The following KCTD17 variants were observed in gnomAD, a reference collection of about 807,000 sequenced individuals.
KCTD17 encodes the protein BTB/POZ domain-containing protein KCTD17.
Under a neutral mutation model 41.5 loss-of-function variants are expected in KCTD17, and 20 were observed. The observed-to-expected ratio is 0.48, with a 90% CI of 0.34 to 0.70. The LOEUF is 0.70. Among genes scored for constraint, KCTD17 ranks in the 30% least tolerant of loss-of-function variants. KCTD17 has a pLI of 0.01. For missense variants in KCTD17, 317 were observed against 427.2 expected, an observed-to-expected ratio of 0.74 and a Z score of 2.27; for synonymous variants, 156 against 173.8, an observed-to-expected ratio of 0.90 and a Z score of 0.80.
chr22:37,061,317 C>T lies in KCTD17; in HGVS notation c.784+142C>T, dbSNP rs1399182953. 6.6e-7 allele frequency: 1 copy of T among 1,506,062 alleles called. No homozygotes were observed. The highest frequency in any genetic ancestry group is 8.9e-7 in the Non-Finnish European group (1 of 1,129,138). 93.3% of individuals were successfully genotyped at this position (1,506,062 alleles called of 1,614,324 possible). A position where few individuals can be genotyped will look rare whatever the true frequency, so the allele number is the denominator to read the frequency against. ...TCTGCCCTGGTCCCAGCCTCCCGTG[C>T]CCTCCACCCAGGCCCCCTGGCCCTG... On this transcript the variant is annotated intron_variant, in intron 7 of 8. Coordinates refer to ENST00000403888, the MANE Select transcript of KCTD17 (RefSeq NM_001282684.2). This position sits in a 1 kb window ranked among gnomAD's most constrained non-coding sequence, Gnocchi z 6.6.
chr22:37,062,369 C>T (rs1568988339), intron 8 of KCTD17, 156 bp from the exon 9 acceptor site: 1 of 984,902 alleles, frequency 1.0e-6, no homozygotes, highest in Non-Finnish European at 1.2e-6. Context: ...CCACCCCCTC[C>T]TCCAGAAGGA....
intron 5 of KCTD17, 33 bp from the exon 6 acceptor site, chr22:37,060,790 C>T: frequency 6.8e-7 from 1 of 1,468,510 alleles, no homozygotes; most frequent in South Asian, 1.4e-5. Context: ...TGTCTCCACT[C>T]TTTCTTCCCT....
chr22:37,053,305 C>T lies in KCTD17; in HGVS notation c.298+97C>T. On this transcript the variant is annotated intron_variant, in intron 2 of 8. Coordinates refer to ENST00000403888, the MANE Select transcript of KCTD17 (RefSeq NM_001282684.2). This position sits in a 1 kb window ranked among gnomAD's most constrained non-coding sequence, Gnocchi z 4.1. ...TTTGGACAACCAGGACGGCCATCTG[C>T]CTGCTTGGTTGTTTCCTGCCTCTTC... The T allele has an allele frequency of 2.2e-6, 2 of 914,934 alleles. No homozygotes were observed. Among genetic ancestry groups the T allele is most frequent in the Non-Finnish European group, 3.4e-6 (2 of 580,362 alleles). 56.7% of individuals were successfully genotyped at this position (914,934 alleles called of 1,614,324 possible). A position where few individuals can be genotyped will look rare whatever the true frequency, so the allele number is the denominator to read the frequency against.
rs369063295 is a variant in KCTD17, at chr22:37,052,512, A to G, written c.189+563A>G. ...TGCACTGCGCTCAGCCTCCTTCCTC[A>G]TCTGTAACACGAAGGGCTGGTCTGA... On this transcript the variant is annotated intron_variant, in intron 1 of 8. Coordinates refer to ENST00000403888, the MANE Select transcript of KCTD17 (RefSeq NM_001282684.2). The G allele has an allele frequency of 8.0e-4, 374 of 466,486 alleles. 5 individuals carry two copies. Among genetic ancestry groups the G allele is most frequent in the South Asian group, 5.3e-3 (340 of 64,560 alleles). The allele number at this position is 466,486 out of a possible 1,614,324, so 28.9% of individuals were successfully genotyped here.
intron 1 of KCTD17, 131 bp downstream of exon 1, chr22:37,052,080 A>C: frequency 1.1e-6 from 1 of 933,666 alleles, no homozygotes; most frequent in Non-Finnish European, 1.4e-6. Context: ...GGAGGCGGGA[A>C]GAAGCGGCAG....
At chr22:37,059,492 C>T in intron 5 of KCTD17, 54 bp downstream of exon 5, 2 of 1,549,296 alleles carry the variant, frequency 1.3e-6, no homozygotes, top group South Asian at 2.5e-5. Flanking sequence ...CTCCCTCCAC[C>T]CTCCCCGCCT....
At chr22:37,054,727 C>T (rs1018906847) in intron 2 of KCTD17, among the ~76,000 whole-genome samples, 10 of 152,114 alleles carry the variant, frequency 6.6e-5, no homozygotes, top group African/African-American at 2.4e-4. Flanking sequence ...AGTTCCTGGC[C>T]GGAGGATGTG....
chr22:37,060,961 C>T, intron 6 of KCTD17, 39 bp downstream of exon 6: 1 of 1,535,758 alleles, frequency 6.5e-7, no homozygotes, highest in South Asian at 1.2e-5. Flanking sequence ...CTAAGCAAAG[C>T]CGGAGCCTCC....
At chr22:37,059,700 G>A (rs193159692) in intron 5 of KCTD17, among the ~76,000 whole-genome samples, 4 of 152,212 alleles carry the variant, frequency 2.6e-5, no homozygotes, top group African/African-American at 9.6e-5. Flanking sequence ...CCGCTTAGTG[G>A]CCACTGGGCA....
chr22:37,057,612 A>C, intron 4 of KCTD17, 119 bp downstream of exon 4: 1 of 720,852 alleles, frequency 1.4e-6, no homozygotes, highest in South Asian at 1.7e-5. Context: ...GTCTCCCCCA[A>C]CCCCAGGGTT....
chr22:37,057,645 G>C (rs1486915726), intron 4 of KCTD17, among the ~76,000 whole-genome samples, 152 bp downstream of exon 4: 1 of 152,184 alleles, frequency 6.6e-6, no homozygotes, highest in Admixed American at 6.5e-5. Flanking sequence ...AATTAAACAA[G>C]GTTAGGAGAG....
intron 5 of KCTD17, 62 bp downstream of exon 5, chr22:37,059,500 C>A: frequency 1.9e-6 from 3 of 1,542,852 alleles, no homozygotes; most frequent in African/African-American, 2.7e-5. Context: ...ACCCTCCCCG[C>A]CTGTCCCGCC....
At position 37,062,659 on chromosome 22, in the gene KCTD17, GGCCTCCTCT is replaced by G. The variant is rs1322941270; in HGVS notation, c.*67_*75del. The G allele has an allele frequency of 6.4e-7, 1 of 1,564,174 alleles. No individual in the cohort carries two copies. The highest frequency in any genetic ancestry group is 8.7e-7 in the Non-Finnish European group (1 of 1,154,166). ...GAGAAGGAAGAAGCACCCTCTCCCC[GGCCTCCTCT>G]GTCTGCACCCGTGGGGCTGTGACTT... On this transcript the variant is annotated 3_prime_UTR_variant, in exon 9 of 9. Coordinates refer to ENST00000403888, the MANE Select transcript of KCTD17 (RefSeq NM_001282684.2).
At chr22:37,059,616 C>A in intron 5 of KCTD17, 178 bp downstream of exon 5, 1 of 743,122 alleles carries the variant, frequency 1.3e-6, no homozygotes, top group Non-Finnish European at 2.1e-6. Context: ...TTACCCAGGC[C>A]CAGGCTGGGA....
chr22:37,060,521 A>G (rs1279389305), intron 5 of KCTD17, among the ~76,000 whole-genome samples: 1 of 152,108 alleles, frequency 6.6e-6, no homozygotes, highest in African/African-American at 2.4e-5. Flanking sequence ...GGGATACCCC[A>G]GTCCCACACC....
rs955002778 is a variant in KCTD17, at chr22:37,053,734, G to A, written c.298+526G>A. Reference sequence around the variant, plus strand: ...TGGCTGTGGGTGGAGGCAGGAGAGGGGGGAGTCTGCTTCCCAGTGGGGCTT... The same window carrying A: ...TGGCTGTGGGTGGAGGCAGGAGAGGAGGGAGTCTGCTTCCCAGTGGGGCTT... On this transcript the variant is annotated intron_variant, in intron 2 of 8. Transcript: ENST00000403888. The surrounding 1 kb of genome is among the most constrained non-coding windows in gnomAD (Gnocchi z 4.1). Among the ~76,000 whole-genome samples the A allele has an allele frequency of 6.6e-6, 1 of 152,174 alleles. No individual in the cohort carries two copies. Among genetic ancestry groups the A allele is most frequent in the East Asian group, 1.9e-4 (1 of 5,196 alleles).
Position 37,063,215 on chromosome 22 carries a change from G to A in KCTD17, c.*621G>A, listed in dbSNP as rs558841460. 185 of 153,030 alleles carry A rather than the reference G, an allele frequency of 1.2e-3. No individual in the cohort carries two copies. The highest frequency in any genetic ancestry group is 2.0e-3 in the Non-Finnish European group (139 of 68,574). 9.5% of individuals were successfully genotyped at this position (153,030 alleles called of 1,614,324 possible). A position where few individuals can be genotyped will look rare whatever the true frequency, so the allele number is the denominator to read the frequency against. Reference sequence around the variant, plus strand: ...TGGCCCAGCGCCTGGCCTGGGGGGCGGGGAGAGGCAGCAGAAGGGGCTGGG... The same window carrying A: ...TGGCCCAGCGCCTGGCCTGGGGGGCAGGGAGAGGCAGCAGAAGGGGCTGGG... On this transcript the variant is annotated 3_prime_UTR_variant, in exon 9 of 9. Transcript: ENST00000403888. The surrounding 1 kb of genome is among the most constrained non-coding windows in gnomAD (Gnocchi z 4.6).
Position 37,061,025 on chromosome 22 carries a change from G to A in KCTD17, c.713-79G>A, listed in dbSNP as rs1471165057. On this transcript the variant is annotated intron_variant, in intron 6 of 8. Coordinates refer to ENST00000403888, the MANE Select transcript of KCTD17 (RefSeq NM_001282684.2). This position sits in a 1 kb window ranked among gnomAD's most constrained non-coding sequence, Gnocchi z 6.6. ...GAACCGGGGGCCCCGGGGCTGCTGG[G>A]GGGGCACCAGGGTTAGCTCAGCCAC... The A allele has an allele frequency of 5.8e-6, 9 of 1,549,158 alleles. No homozygotes were observed. The highest frequency in any genetic ancestry group is 2.0e-5 in the Admixed American group (1 of 50,914).
chr22:37,055,171 T>C, intron 2 of KCTD17: 1 of 152,446 alleles, frequency 6.6e-6, no homozygotes. Flanking sequence ...TTGACCAAAG[T>C]CCGGTCCTCC....
Sources: allele counts gnomAD v4.1 joint callset (sites outside exome capture counted in the v4.1 genomes callset), GRCh38; gene constraint gnomAD v4.1.1; non-coding constraint Gnocchi (gnomAD v3.1); transcripts MANE v1.5; gene names NCBI Gene and HGNC (gene_info 2026-07-23, HGNC 2026-07-21).